SYT3: variants seen among roughly 807,000 people sequenced by gnomAD.
SYT3 encodes synaptotagmin 3.
A neutral mutation model predicts 50.6 loss-of-function variants in SYT3; 25 were observed. The ratio of observed to expected loss-of-function variants is 0.49; its 90% CI spans 0.36 to 0.69. SYT3 has a LOEUF of 0.69. Among genes scored for constraint, SYT3 ranks in the 30% least tolerant of loss-of-function variants. The probability of loss-of-function intolerance (pLI) is 0.00; values close to 1 mark genes in which losing one functional copy is unlikely to be tolerated. For synonymous variants in SYT3, 323 were observed against 353.9 expected (o/e 0.91, Z 0.98); for missense variants, 589 against 793.6 (o/e 0.74, Z 3.10).
At position 50,630,158 on chromosome 19, in the gene SYT3, G is replaced by T. The variant is rs371022999; in HGVS notation, c.688C>A (p.Pro230Thr). The change falls in exon 5 of 11, where the codon CCC becomes ACC. Residue 230 changes from proline to threonine, a missense_variant. Physicochemically the swap from Pro to Thr is conservative, Grantham distance 38. Transcript: ENST00000600079. Reference protein sequence around the residue: ...LAPTTRYPALPRPLTQQTLTS... With the variant: ...LAPTTRYPALTRPLTQQTLTS... The stretch of plus-strand genomic sequence containing the variant: ...AGAGTCTGCTGGGTGAGGGGTCGGG[G>T]CAGGGCTGGGTACCTGTAGGGGGTT... 1.5e-5 allele frequency: 24 copies of T among 1,563,208 alleles called. No individual in the cohort carries two copies. Among genetic ancestry groups the T allele is most frequent in the Admixed American group, 1.9e-5 (1 of 53,788 alleles).
At chr19:50,627,852 G>A (rs1984133501) in intron 6 of SYT3, among the ~76,000 whole-genome samples, 1 of 152,204 alleles carries the variant, frequency 6.6e-6, no homozygotes, top group Admixed American at 6.5e-5. Context: ...AGGCCAGCAT[G>A]GATACAGAGA....
intron 3 of SYT3, among the ~76,000 whole-genome samples, chr19:50,635,234 C>T (rs1195027948): frequency 1.3e-5 from 2 of 152,162 alleles, no homozygotes; most frequent in East Asian, 3.8e-4. Context: ...AAGTGACCAA[C>T]ACTCACTGAG....
At chr19:50,644,082 C>T (rs1984723247), upstream of SYT3, among the ~76,000 whole-genome samples, 1 of 152,198 alleles carries the variant, frequency 6.6e-6, no homozygotes, top group African/African-American at 2.4e-5. Context: ...AGGAGTAGCA[C>T]TTTGTTTTGT....
Position 50,632,465 on chromosome 19 carries a change from G to C in SYT3, c.495C>G (p.Asp165Glu). 1 of 1,613,436 alleles carries C rather than the reference G, an allele frequency of 6.2e-7. No homozygotes were observed. The change falls in exon 4 of 11, where the codon GAC becomes GAG. Residue 165 changes from aspartate (D) to glutamate (E), a missense_variant. By Grantham distance (45) the Asp-to-Glu change is conservative. This residue lies in a region of SYT3 where 316 missense variants were observed against 354.3 expected (regional missense o/e 0.89). Coordinates refer to ENST00000600079, the MANE Select transcript of SYT3 (RefSeq NM_001160329.2). The surrounding 1 kb of genome is among the most constrained non-coding windows in gnomAD (Gnocchi z 4.7). ...CTGCTGCTGCAGCCTCTGGATACGA[G>C]TCCATGTCCAAGTAGGAGGGCTCAG... ...DTPEPSYLDM[D>E]SYPEAAAAAV...
chr19:50,656,052 G>A, the SYT3 span: 8 of 1,535,992 alleles, frequency 5.2e-6, no homozygotes, highest in African/African-American at 1.4e-5. Flanking sequence ...GTCCTCAGGA[G>A]CCCTCCTTAT....
At chr19:50,653,683 CACACACA>C in the SYT3 span, among the ~76,000 whole-genome samples, 1 of 264 alleles carries the variant, frequency 3.8e-3, no homozygotes, top group Admixed American at 0.12. Context: ...TGAGAGACAG[CACACACA>C]CACACACACA....
chr19:50,657,950 G>A, the SYT3 span: 402 of 1,493,898 alleles, frequency 2.7e-4, 2 homozygotes, highest in African/African-American at 5.2e-3. Context: ...AAATGAACCA[G>A]GAGGCCACGG....
chr19:50,631,171 T>C lies in SYT3; in HGVS notation c.675-1000A>G, dbSNP rs747298997. Among the ~76,000 whole-genome samples the C allele has an allele frequency of 4.5e-3, 81 of 18,114 alleles. 1 individual carries two copies. The highest frequency in any genetic ancestry group is 0.036 in the Middle Eastern group (1 of 28). 11.9% of individuals were successfully genotyped at this position (18,114 alleles called of 152,430 possible). ...CTTTTTCTTTTTTCTTTCTTTCTTTTTTTTTTTTTTTTTTGAGATGGAGTC... is the reference window on the plus strand; with the variant it reads ...CTTTTTCTTTTTTCTTTCTTTCTTTCTTTTTTTTTTTTTTGAGATGGAGTC... On this transcript the variant is annotated intron_variant, in intron 4 of 10. Transcript: ENST00000600079.
chr19:50,657,928 C>G, the SYT3 span: 2 of 1,476,772 alleles, frequency 1.4e-6, no homozygotes, highest in Admixed American at 4.6e-5. Flanking sequence ...AGGGTGGTGA[C>G]TTCTGAACCC....
chr19:50,647,318 C>T, the SYT3 span, among the ~76,000 whole-genome samples: 7 of 151,880 alleles, frequency 4.6e-5, no homozygotes, highest in African/African-American at 1.2e-4. Context: ...AGGTCAGTTC[C>T]GGGCACAGAA....
chr19:50,623,732 G>T (rs980109342), intron 9 of SYT3, among the ~76,000 whole-genome samples: 6 of 151,462 alleles, frequency 4.0e-5, no homozygotes, highest in African/African-American at 1.5e-4. Flanking sequence ...TACTCAGGGA[G>T]GGGGAGGTTG....
upstream of SYT3, among the ~76,000 whole-genome samples, chr19:50,643,975 G>A (rs1332347266): frequency 1.3e-5 from 2 of 152,124 alleles, no homozygotes; most frequent in African/African-American, 2.4e-5. Context: ...TGAGGGAGGG[G>A]AGGGGAAATG....
chr19:50,632,622 C>T lies in SYT3; in HGVS notation c.338G>A (p.Gly113Asp), dbSNP rs766373341. Residue 113 changes from glycine (G) to aspartate (D), a missense_variant, in exon 4 of 11, where the codon GGC becomes GAC. Physicochemically the swap from Gly to Asp is moderately conservative, Grantham distance 94. This residue lies in a region of SYT3 where 316 missense variants were observed against 354.3 expected (regional missense o/e 0.89). Transcript: ENST00000600079. The surrounding 1 kb of genome is among the most constrained non-coding windows in gnomAD (Gnocchi z 4.7). ...GVGLAGLVGG[G>D]GHHLAAGLGG... Reference sequence around the variant, plus strand: ...CAGGCCAGCCGCCAGGTGGTGCCCGCCTCCGCCTACCAGGCCTGCCAGCCC... The same window carrying T: ...CAGGCCAGCCGCCAGGTGGTGCCCGTCTCCGCCTACCAGGCCTGCCAGCCC... The T allele has an allele frequency of 6.3e-7, 1 of 1,579,464 alleles. No homozygotes were observed. The highest frequency in any genetic ancestry group is 8.6e-7 in the Non-Finnish European group (1 of 1,162,830).
chr19:50,636,721 G>A (rs1209107202), intron 3 of SYT3, among the ~76,000 whole-genome samples: 1 of 152,256 alleles, frequency 6.6e-6, no homozygotes, highest in Non-Finnish European at 1.5e-5. Context: ...GTCACTGTGA[G>A]TAATCATTGA....
chr19:50,637,421 C>A lies in SYT3; in HGVS notation c.-10G>T. The stretch of plus-strand genomic sequence containing the variant: ...CGTAGTCTCCTGACATGGTGGCCGT[C>A]TGGTCCTGTGTGTGGGAGGGATGGG... On this transcript the variant is annotated 5_prime_UTR_variant, in exon 3 of 11. Coordinates refer to ENST00000600079, the MANE Select transcript of SYT3 (RefSeq NM_001160329.2). This position sits in a 1 kb window ranked among gnomAD's most constrained non-coding sequence, Gnocchi z 4.9. 1.3e-6 allele frequency: 2 copies of A among 1,591,236 alleles called. No individual in the cohort carries two copies. Among genetic ancestry groups the A allele is most frequent in the Non-Finnish European group, 1.7e-6 (2 of 1,166,978 alleles).
intron 9 of SYT3, among the ~76,000 whole-genome samples, chr19:50,623,802 C>A (rs1983940770): frequency 6.7e-6 from 1 of 150,090 alleles, no homozygotes; most frequent in African/African-American, 2.5e-5. Flanking sequence ...GACTCTGTCT[C>A]AATAATAACA....
At chr19:50,642,074 T>C (rs1568418965), upstream of SYT3, among the ~76,000 whole-genome samples, 2 of 152,154 alleles carry the variant, frequency 1.3e-5, no homozygotes, top group African/African-American at 4.8e-5. Flanking sequence ...CAGAAATGCC[T>C]CCCAGGTTTG....
chr19:50,645,300 C>T, the SYT3 span, among the ~76,000 whole-genome samples: 2 of 152,018 alleles, frequency 1.3e-5, no homozygotes, highest in Non-Finnish European at 2.9e-5. Context: ...AGAGGGAAGT[C>T]GGTCGGAGTA....
rs775442860 is a variant in SYT3 at position 50,632,835 on chromosome 19, A to G, written c.149-24T>C. On this transcript the variant is annotated intron_variant, in intron 3 of 10. Coordinates refer to ENST00000600079, the MANE Select transcript of SYT3 (RefSeq NM_001160329.2). This position sits in a 1 kb window ranked among gnomAD's most constrained non-coding sequence, Gnocchi z 4.7. ...GTCTGGAGAGAACGAGGACAGAGGT[A>G]GGGGTCAGGATGGGGTCACAGTACA... is the stretch of plus-strand genomic sequence containing the variant. The G allele has an allele frequency of 4.7e-6, 7 of 1,485,164 alleles. No individual in the cohort carries two copies. The African/African-American group carries it at 9.8e-5, about 21-fold the overall frequency. The allele number at this position is 1,485,164 out of a possible 1,614,324, so 92.0% of individuals were successfully genotyped here.
Sources: allele counts gnomAD v4.1 joint callset (sites outside exome capture counted in the v4.1 genomes callset), GRCh38; gene constraint gnomAD v4.1.1; regional missense constraint gnomAD v4.1.1; non-coding constraint Gnocchi (gnomAD v3.1); transcripts MANE v1.5; gene names NCBI Gene and HGNC (gene_info 2026-07-23, HGNC 2026-07-21).